The following KRT27 variants were observed in gnomAD, a reference collection of about 807,000 sequenced individuals.
KRT27 encodes keratin, type I cytoskeletal 27.
A neutral mutation model predicts 45.3 loss-of-function variants in KRT27; 30 were observed. The observed-to-expected ratio is 0.66, with a 90% CI of 0.50 to 0.90. The LOEUF (loss-of-function observed/expected upper bound fraction) is 0.90, where lower values mean the gene tolerates loss of function less well. Ranked by LOEUF, KRT27 falls within the 40% of genes least tolerant of loss-of-function variation. The pLI is 0.00. For synonymous variants in KRT27, 204 were observed against 223.9 expected, an observed-to-expected ratio of 0.91 and a Z score of 0.79; for missense variants, 610 against 564.3, an observed-to-expected ratio of 1.08 and a Z score of -0.82.
Position 40,777,546 on chromosome 17 carries a change from T to C in KRT27, c.1159A>G (p.Thr387Ala), listed in dbSNP as rs1253506199. Reference sequence around the variant, plus strand: ...TCTCCATCTATCAGGAGGCAGTAGGTCTCAATTTCTTTTTCCAGGTGGACC... The same window carrying C: ...TCTCCATCTATCAGGAGGCAGTAGGCCTCAATTTCTTTTTCCAGGTGGACC... ...IKVHLEKEIE[T>A]YCLLIDGEDG... Residue 387 changes from threonine (T) to alanine (A), a missense_variant, in exon 6 of 8, where the codon ACC (threonine) becomes GCC (alanine). Transcript: ENST00000301656. 1.2e-6 allele frequency: 2 copies of C among 1,613,912 alleles called. No individual in the cohort carries two copies. The highest frequency in any genetic ancestry group is 2.2e-5 in the South Asian group (2 of 91,070).
intron 5 of KRT27, among the ~76,000 whole-genome samples, chr17:40,779,133 C>T (rs550498746): frequency 1.3e-5 from 2 of 152,292 alleles, no homozygotes; most frequent in South Asian, 4.1e-4. Context: ...CTTCCTATCC[C>T]CCCATCCCCT....
At chr17:40,780,852 AAAAT>A (rs993965762) in intron 2 of KRT27, among the ~76,000 whole-genome samples, 3 of 152,138 alleles carry the variant, frequency 2.0e-5, no homozygotes, top group African/African-American at 2.4e-5. Flanking sequence ...CCGTCTCCAA[AAAAT>A]AAATAAATAA....
rs142071992 is a variant in KRT27 at position 40,777,320 on chromosome 17, G to A, written c.1191-18C>T. The A allele has an allele frequency of 4.5e-4, 712 of 1,598,094 alleles. 8 individuals are homozygous for A. The East Asian group carries it at 9.8e-3, about 22-fold the overall frequency. On this transcript the variant is annotated intron_variant, in intron 6 of 7. Transcript: ENST00000301656. ...AACAGGAGCTGTAAAAGTATAGAGC[G>A]CTTATATTAATTATTCTGTTTTACT...
chr17:40,780,340 A>G lies in KRT27; in HGVS notation c.644T>C (p.Leu215Pro), dbSNP rs768268522. ...CTTGAGGTAAGCGAGCTCCTCACTG[A>G]GAGTTTCCAGCTGGATCTCCAGGTC... ...RTDLEIQLET[L>P]SEELAYLKKN... The change falls in exon 3 of 8, where the codon CTC becomes CCC. Residue 215 changes from leucine (L) to proline (P), a missense_variant. Coordinates refer to ENST00000301656, the MANE Select transcript of KRT27 (RefSeq NM_181537.4). 2.5e-6 allele frequency: 4 copies of G among 1,612,726 alleles called. No individual in the cohort carries two copies. In the Admixed American group the frequency reaches 5.0e-5, roughly 20 times the overall value.
At position 40,780,935 on chromosome 17, in the gene KRT27, A is replaced by T. The variant is rs141029225; in HGVS notation, c.527+253T>A. ...ATCTATCATGCAATAAATACATTTC[A>T]TTGAAGCAAGAGAATGGGAATAGCC... On this transcript the variant is annotated intron_variant, in intron 2 of 7. Transcript: ENST00000301656. Among the ~76,000 whole-genome samples the T allele has an allele frequency of 3.3e-3, 508 of 152,348 alleles. 3 individuals are homozygous for T. The highest frequency in any genetic ancestry group is 9.4e-3 in the African/African-American group (391 of 41,572).
Position 40,782,337 on chromosome 17 carries a change from A to C in KRT27, c.157T>G (p.Ser53Ala). Residue 53 changes from serine to alanine, a missense_variant, in exon 1 of 8, where the codon TCA (serine) becomes GCA (alanine). Ser to Ala is a moderately conservative substitution (Grantham distance 99). Coordinates refer to ENST00000301656, the MANE Select transcript of KRT27 (RefSeq NM_181537.4). ...CCTCCGCCATAGCCTCCTGCAGATG[A>C]GCTGCCCCCAAAAGCACAAGAGAAG... ...SGFSCAFGGS[S>A]SAGGYGGGLG... is the part of the protein sequence containing the mutation. The C allele has an allele frequency of 6.2e-7, 1 of 1,614,140 alleles. No homozygotes were observed. Among genetic ancestry groups the C allele is most frequent in the Non-Finnish European group, 8.5e-7 (1 of 1,180,034 alleles).
rs764455672 is a variant in KRT27, at chr17:40,776,916, A to G, written c.*83T>C. The G allele has an allele frequency of 1.3e-5, 17 of 1,293,842 alleles. No homozygotes were observed. The highest frequency in any genetic ancestry group is 3.0e-5 in the African/African-American group (2 of 67,428). The allele number at this position is 1,293,842 out of a possible 1,614,324, so 80.1% of individuals were successfully genotyped here. A position where few individuals can be genotyped will look rare whatever the true frequency, so the allele number is the denominator to read the frequency against. ...TCTTAATTCATTGGAAGAAAAGCAG[A>G]AAAATAAGGGGACCCTTATTTAGGA... On this transcript the variant is annotated 3_prime_UTR_variant, in exon 8 of 8. Transcript: ENST00000301656.
Position 40,777,554 on chromosome 17 carries a change from T to A in KRT27, c.1151A>T (p.Glu384Val). Reference sequence around the variant, plus strand: ...TATCAGGAGGCAGTAGGTCTCAATTTCTTTTTCCAGGTGGACCTTGATGTC... The same window carrying A: ...TATCAGGAGGCAGTAGGTCTCAATTACTTTTTCCAGGTGGACCTTGATGTC... ...LLDIKVHLEK[E>V]IETYCLLIDG... The change falls in exon 6 of 8, where the codon GAA becomes GTA. Residue 384 changes from glutamate to valine, a missense_variant. Coordinates refer to ENST00000301656, the MANE Select transcript of KRT27 (RefSeq NM_181537.4). 1 of 1,614,002 alleles carries A rather than the reference T, an allele frequency of 6.2e-7. No homozygotes were observed. Among genetic ancestry groups the A allele is most frequent in the Non-Finnish European group, 8.5e-7 (1 of 1,179,874 alleles).
Position 40,779,717 on chromosome 17 carries a change from C to T in KRT27, c.829G>A (p.Ala277Thr). ...LAEQNRRDAE[A>T]WFNEKSASLQ... is the part of the protein sequence containing the mutation. ...GGTTTTACCTTTTCGTTGAACCAGGCCTCCGCGTCCCTGCGGTTCTGCTCT... is the reference window on the plus strand; with the variant it reads ...GGTTTTACCTTTTCGTTGAACCAGGTCTCCGCGTCCCTGCGGTTCTGCTCT... The change falls in exon 4 of 8, where the codon GCC becomes ACC. Residue 277 changes from alanine (A) to threonine (T), a missense_variant. Coordinates refer to ENST00000301656, the MANE Select transcript of KRT27 (RefSeq NM_181537.4). 5 of 1,613,942 alleles carry T rather than the reference C, an allele frequency of 3.1e-6. No individual in the cohort carries two copies. Among genetic ancestry groups the T allele is most frequent in the Non-Finnish European group, 4.2e-6 (5 of 1,179,866 alleles).
chr17:40,779,675 C>T lies in KRT27; in HGVS notation c.846+25G>A, dbSNP rs1171869937. 2.5e-6 allele frequency: 4 copies of T among 1,613,256 alleles called. No homozygotes were observed. The Admixed American group carries it at 5.0e-5, about 20-fold the overall frequency. On this transcript the variant is annotated intron_variant, in intron 4 of 7. Transcript: ENST00000301656. ...AGGGCGCTGGGGCTGAGTCCGCGCC[C>T]GGGCGCACCCAAGCGTGGTTTTACC...
At chr17:40,777,447 T>G (rs1288159893) in intron 6 of KRT27, 68 bp downstream of exon 6, 1 of 1,574,142 alleles carries the variant, frequency 6.4e-7, no homozygotes, top group East Asian at 2.2e-5. Flanking sequence ...AGATATTTTG[T>G]ACTTGATTTC....
Position 40,782,207 on chromosome 17 carries a change from G to A in KRT27, c.287C>T (p.Ala96Val). The A allele has an allele frequency of 1.9e-6, 3 of 1,614,206 alleles. No individual in the cohort carries two copies. Among genetic ancestry groups the A allele is most frequent in the Admixed American group, 1.7e-5 (1 of 60,028 alleles). ...GGCTCGAACATTCTCCAGGTAGGAG[G>A]CCAAGCGGTCGTTGAGGTTCTGCAT... ...VTMQNLNDRLASYLENVRALE... is the reference protein window; with the variant it reads ...VTMQNLNDRLVSYLENVRALE... The change falls in exon 1 of 8, where the codon GCC (alanine) becomes GTC (valine). Residue 96 changes from alanine to valine, a missense_variant. Transcript: ENST00000301656.
chr17:40,776,991 G>C lies in KRT27; in HGVS notation c.*8C>G. 1.9e-6 allele frequency: 3 copies of C among 1,599,284 alleles called. No homozygotes were observed. Among genetic ancestry groups the C allele is most frequent in the Non-Finnish European group, 2.6e-6 (3 of 1,169,090 alleles). ...ATTTGGGGGCCATTCTGTCTCAGAG[G>C]CTGGAGTTCAGGAAGACACCCTCTG... is the stretch of plus-strand genomic sequence containing the variant. On this transcript the variant is annotated 3_prime_UTR_variant, in exon 8 of 8. Coordinates refer to ENST00000301656, the MANE Select transcript of KRT27 (RefSeq NM_181537.4).
rs1253295008 is a variant in KRT27 at position 40,779,826 on chromosome 17, G to A, written c.720C>T (p.Asn240=). The A allele has an allele frequency of 6.2e-7, 1 of 1,613,872 alleles. No individual in the cohort carries two copies. The highest frequency in any genetic ancestry group is 1.7e-5 in the Admixed American group (1 of 59,880). Residue 240 remains asparagine, a synonymous_variant, in exon 4 of 8, where the codon AAC becomes AAT. Coordinates refer to ENST00000301656, the MANE Select transcript of KRT27 (RefSeq NM_181537.4). ...MKALQCAAGG[N]VNVEMNAAPG... ...GGGCCGCGTTCATCTCCACGTTCAC[G>A]TTGCCTCCAGCCGCGCACTGAAGAG... is the stretch of plus-strand genomic sequence containing the variant.
In KRT27 at chr17:40,778,839, T is replaced by TC. The variant is rs1363433488; in HGVS notation, c.972+662_972+663insG. ...CTCTCTTTAAGCAGTAGGATTTTTTTTCTTTTTTTTTAAATGGACACATAA... is the reference window on the plus strand; with the variant it reads ...CTCTCTTTAAGCAGTAGGATTTTTTTCTCTTTTTTTTTAAATGGACACATAA... On this transcript the variant is annotated intron_variant, in intron 5 of 7. Transcript: ENST00000301656. 6.3e-5 allele frequency among the ~76,000 whole-genome samples: 8 copies of TC among 126,534 alleles called. No homozygotes were observed. The East Asian group carries it at 1.4e-3, about 23-fold the overall frequency. The allele number at this position is 126,534 out of a possible 152,430, so 83.0% of individuals were successfully genotyped here.
rs145682458 is a variant in KRT27, at chr17:40,777,015, T to C, written c.1364A>G (p.Gln455Arg). The C allele has an allele frequency of 6.2e-7, 1 of 1,612,346 alleles. No individual in the cohort carries two copies. The highest frequency in any genetic ancestry group is 1.3e-5 in the African/African-American group (1 of 74,916). ...GGCTGGAGTTCAGGAAGACACCCTC[T>C]GTTCATTCTTGTTGTTGACTTTGGT... Reference protein sequence around the residue: ...KSTKVNNKNEQRVSS With the variant: ...KSTKVNNKNERRVSS The change falls in exon 8 of 8, where the codon CAG becomes CGG. Residue 455 changes from glutamine to arginine, a missense_variant. Physicochemically the swap from Gln to Arg is conservative, Grantham distance 43. Coordinates refer to ENST00000301656, the MANE Select transcript of KRT27 (RefSeq NM_181537.4).
At chr17:40,777,807 A>C in intron 5 of KRT27, 75 bp from the exon 6 acceptor site, 1 of 1,376,660 alleles carries the variant, frequency 7.3e-7, no homozygotes, top group Non-Finnish European at 1.0e-6. Context: ...TTAAGAGATA[A>C]TTAAGAGAAT....
chr17:40,779,303 A>G (rs1489800956), intron 5 of KRT27, among the ~76,000 whole-genome samples, 199 bp downstream of exon 5: 2 of 152,330 alleles, frequency 1.3e-5, no homozygotes, highest in East Asian at 3.9e-4. Context: ...GCTAATTTCT[A>G]ATATTTCATA....
intron 4 of KRT27, 28 bp from the exon 5 acceptor site, chr17:40,779,655 G>T (rs751039945): frequency 1.2e-6 from 2 of 1,613,560 alleles, no homozygotes; most frequent in South Asian, 1.1e-5. Context: ...GCGTTAGGGC[G>T]CTGGGGCTGA....
Sources: gnomAD v4.1 joint callset for allele counts (sites outside exome capture counted in the v4.1 genomes callset) on GRCh38, gnomAD v4.1.1 for gene constraint, MANE v1.5 for transcripts, NCBI Gene and HGNC (gene_info 2026-07-23, HGNC 2026-07-21) for gene names.